The following FGD1 variants were observed in gnomAD, a reference collection of about 807,000 sequenced individuals.
FGD1 encodes FYVE, RhoGEF and PH domain-containing protein 1.
In FGD1, 12 loss-of-function variants were observed where a neutral mutation model predicts 65.0. The ratio of observed to expected loss-of-function variants is 0.18; its 90% CI spans 0.12 to 0.30. FGD1 has a LOEUF of 0.30. FGD1 is among the 10% of genes least tolerant of loss of function. FGD1 has a pLI of 1.00. For missense variants in FGD1, 542 were observed against 837.6 expected, an observed-to-expected ratio of 0.65 and a Z score of 4.36; for synonymous variants, 333 against 343.9, an observed-to-expected ratio of 0.97 and a Z score of 0.35.
chrX:54,460,497 C>G (rs1922605661), intron 8 of FGD1, among the ~76,000 whole-genome samples: 1 of 112,464 alleles, frequency 8.9e-6, no homozygotes, highest in Non-Finnish European at 1.9e-5. Context: ...AATCCCAGCA[C>G]TTTGGGAGGG....
At chrX:54,487,822 C>CAT (rs1170176134) in intron 1 of FGD1, among the ~76,000 whole-genome samples, 5 of 109,548 alleles carry the variant, frequency 4.6e-5, no homozygotes, top group African/African-American at 1.7e-4. Context: ...TGGTGGCGGG[C>CAT]GCCTGTAATC....
chrX:54,458,530 G>A (rs1367221683), intron 8 of FGD1, among the ~76,000 whole-genome samples: 5 of 75,680 alleles, frequency 6.6e-5, no homozygotes, highest in African/African-American at 2.7e-4. Context: ...GACAGAGCGA[G>A]ACTACGTCTC....
At chrX:54,479,138 G>A (rs1012856197) in intron 1 of FGD1, among the ~76,000 whole-genome samples, 1 of 112,865 alleles carries the variant, frequency 8.9e-6, no homozygotes, top group South Asian at 3.6e-4. Context: ...ATGCCCCTGC[G>A]TGGCAGGTGC....
Position 54,490,329 on chromosome X carries a change from C to T in FGD1, c.307+4797G>A, listed in dbSNP as rs1233400023. Among the ~76,000 whole-genome samples the T allele has an allele frequency of 4.5e-5, 5 of 110,326 alleles. No homozygotes were observed. The Admixed American group carries it at 4.9e-4, about 11-fold the overall frequency. ...CAAACTTGCACATGTACCCCTGAACCTAAAATAAAAGTTTAAAAAAAGATT... is the reference window on the plus strand; with the variant it reads ...CAAACTTGCACATGTACCCCTGAACTTAAAATAAAAGTTTAAAAAAAGATT... On this transcript the variant is annotated intron_variant, in intron 1 of 17. Coordinates refer to ENST00000375135, the MANE Select transcript of FGD1 (RefSeq NM_004463.3).
At chrX:54,451,563 G>A (rs1426519898) in intron 12 of FGD1, among the ~76,000 whole-genome samples, 1 of 108,464 alleles carries the variant, frequency 9.2e-6, no homozygotes, top group African/African-American at 3.3e-5. Flanking sequence ...GGGATTACAG[G>A]CGTGAGCTAC....
At chrX:54,464,635 G>A (rs949430215) in intron 8 of FGD1, among the ~76,000 whole-genome samples, 2 of 111,023 alleles carry the variant, frequency 1.8e-5, no homozygotes, top group Non-Finnish European at 3.8e-5. Flanking sequence ...AAGAGAAAGT[G>A]GGGTAGGCGG....
Position 54,471,544 on chromosome X carries a change from G to A in FGD1, c.308-57C>T. ...ACTGACTTTAACCCAAAGGGGACTG[G>A]GGTTAAAGTTAGGACTGGCATGTCT... On this transcript the variant is annotated intron_variant, in intron 1 of 17. Transcript: ENST00000375135. 2.7e-6 allele frequency: 3 copies of A among 1,104,556 alleles called. No individual in the cohort carries two copies. In the Admixed American group the frequency reaches 7.0e-5, roughly 26 times the overall value. 91.0% of individuals were successfully genotyped at this position (1,104,556 alleles called of 1,213,427 possible). A position where few individuals can be genotyped will look rare whatever the true frequency, so the allele number is the denominator to read the frequency against.
intron 8 of FGD1, among the ~76,000 whole-genome samples, chrX:54,461,068 T>G (rs1922618307): frequency 8.9e-6 from 1 of 111,790 alleles, no homozygotes; most frequent in African/African-American, 3.2e-5. Flanking sequence ...CCACTCTAGG[T>G]TGCTTTCACT....
intron 8 of FGD1, among the ~76,000 whole-genome samples, chrX:54,465,238 C>T (rs1167594666): frequency 9.5e-6 from 1 of 105,658 alleles, no homozygotes; most frequent in African/African-American, 3.4e-5. Flanking sequence ...CCTGAATACC[C>T]AAAGAGAACA....
chrX:54,495,477 G>C lies in FGD1; in HGVS notation c.-45C>G. ...GGCCCGAGCTCCCCGCTTGGCTCCA[G>C]CTCCTGGGGCGGAGGCGCGGGCGGA... On this transcript the variant is annotated 5_prime_UTR_variant, in exon 1 of 18. Coordinates refer to ENST00000375135, the MANE Select transcript of FGD1 (RefSeq NM_004463.3). The C allele has an allele frequency of 1.1e-6, 1 of 895,258 alleles. No individual in the cohort carries two copies. 73.8% of individuals were successfully genotyped at this position (895,258 alleles called of 1,213,427 possible).
chrX:54,494,032 C>A (rs1923471240), intron 1 of FGD1, among the ~76,000 whole-genome samples: 2 of 112,531 alleles, frequency 1.8e-5, no homozygotes, highest in Admixed American at 9.4e-5. Flanking sequence ...TGAGAATGTC[C>A]CCAGATGGGG....
At chrX:54,484,354 G>A (rs1237135824) in intron 1 of FGD1, among the ~76,000 whole-genome samples, 1 of 109,588 alleles carries the variant, frequency 9.1e-6, no homozygotes. Flanking sequence ...TCAGCTCCAC[G>A]AGGACAGGGA....
chrX:54,462,674 G>A (rs1169258337), intron 8 of FGD1, among the ~76,000 whole-genome samples: 2 of 109,222 alleles, frequency 1.8e-5, no homozygotes, highest in African/African-American at 6.7e-5. Context: ...TTATAGGCGT[G>A]AGCCACCACG....
chrX:54,480,648 A>AT (rs1430781691), intron 1 of FGD1, among the ~76,000 whole-genome samples: 1 of 107,366 alleles, frequency 9.3e-6, no homozygotes. Context: ...AGAAATCCAG[A>AT]TTTTTCTTCT....
intron 8 of FGD1, among the ~76,000 whole-genome samples, chrX:54,462,389 CTTTT>C (rs1158349272): frequency 1.3e-5 from 1 of 79,574 alleles, no homozygotes; most frequent in African/African-American, 4.8e-5. Context: ...ACTTCCCATT[CTTTT>C]TTTTTTTTTT....
At chrX:54,456,953 A>T (rs1922517402) in intron 8 of FGD1, among the ~76,000 whole-genome samples, 2 of 110,775 alleles carry the variant, frequency 1.8e-5, no homozygotes, top group South Asian at 7.7e-4. Context: ...TCCTCCCTGA[A>T]TACCTCCTCC....
chrX:54,489,340 G>T (rs1923363032), intron 1 of FGD1, among the ~76,000 whole-genome samples: 1 of 112,353 alleles, frequency 8.9e-6, no homozygotes, highest in Non-Finnish European at 1.9e-5. Flanking sequence ...CTAGCATTTT[G>T]GGAGGCCGAG....
chrX:54,472,306 A>G (rs1394564897), intron 1 of FGD1, among the ~76,000 whole-genome samples: 3 of 109,700 alleles, frequency 2.7e-5, no homozygotes, highest in Non-Finnish European at 5.7e-5. Context: ...AAGAAAAATG[A>G]AAAAGAAAAT....
chrX:54,490,578 T>C (rs980166041), intron 1 of FGD1, among the ~76,000 whole-genome samples: 1 of 111,253 alleles, frequency 9.0e-6, no homozygotes, highest in Non-Finnish European at 1.9e-5. Flanking sequence ...TTAAAAGTGA[T>C]CATCCTGGGT....
Sources: gnomAD v4.1 joint callset for allele counts (sites outside exome capture counted in the v4.1 genomes callset) on GRCh38, gnomAD v4.1.1 for gene constraint, MANE v1.5 for transcripts, NCBI Gene and HGNC (gene_info 2026-07-23, HGNC 2026-07-21) for gene names.